The following KARS1 variants were observed in gnomAD, a reference collection of about 807,000 sequenced individuals.
KARS1 encodes the protein lysyl-tRNA synthetase 1.
Under a neutral mutation model 63.9 loss-of-function variants are expected in KARS1, and 50 were observed. That is an observed-to-expected ratio of 0.78 (90% CI 0.62 to 0.99). The LOEUF is 0.99. Ranked by LOEUF, KARS1 falls within the 50% of genes least tolerant of loss-of-function variation. KARS1 has a pLI of 0.00. For synonymous variants in KARS1, 320 were observed against 264.6 expected (o/e 1.21, Z -2.03); for missense variants, 816 against 754.5 (o/e 1.08, Z -0.95).
intron 5 of KARS1, 43 bp from the exon 6 acceptor site, chr16:75,635,848 C>G: frequency 1.9e-6 from 3 of 1,614,106 alleles, no homozygotes; most frequent in South Asian, 1.1e-5. Context: ...TATGTCTGAT[C>G]CAAAGGTATG....
At chr16:75,639,985 T>C (rs769494157) in intron 3 of KARS1, 199 bp downstream of exon 3, 1 of 602,774 alleles carries the variant, frequency 1.7e-6, no homozygotes, top group Admixed American at 2.8e-5. Flanking sequence ...TTTGTAGCAC[T>C]ACCTCATCTG....
intron 1 of KARS1, chr16:75,647,355 T>C (rs887993144): frequency 1.6e-6 from 1 of 637,680 alleles, no homozygotes. Context: ...AGGAGTATGA[T>C]AGGGAGCATC....
At chr16:75,641,874 A>C in intron 1 of KARS1, 151 bp from the exon 2 acceptor site, 2 of 765,126 alleles carry the variant, frequency 2.6e-6, no homozygotes, top group Non-Finnish European at 4.6e-6. Context: ...AGCTCAGCTC[A>C]AGTAGCTTGT....
rs543583274 is a variant in KARS1, at chr16:75,633,771, C to T, written c.915+402G>A. Among the ~76,000 whole-genome samples the T allele has an allele frequency of 1.1e-3, 175 of 152,338 alleles. 1 individual carries two copies. The highest frequency in any genetic ancestry group is 4.1e-3 in the African/African-American group (170 of 41,578). On this transcript the variant is annotated intron_variant, in intron 7 of 13. Transcript: ENST00000302445. ...ACCTCAAGTGATCCATCCGCCTTGG[C>T]CTCCCAAAGCGCTGGGATTACAGGT...
chr16:75,644,955 G>C lies in KARS1; in HGVS notation c.62+2623C>G, dbSNP rs548628379. ...GACTTGTTTGGAACTCTAGGAACAA[G>C]GGGAAAGGAGAATTTCAGGAAGGTC... On this transcript the variant is annotated intron_variant, in intron 1 of 13. Coordinates refer to ENST00000302445, the MANE Select transcript of KARS1 (RefSeq NM_005548.3). 6.6e-5 allele frequency among the ~76,000 whole-genome samples: 10 copies of C among 152,344 alleles called. No individual in the cohort carries two copies. In the East Asian group the frequency reaches 1.7e-3, roughly 26 times the overall value.
In KARS1 at chr16:75,647,617, T is replaced by TCGGCCGCCTGCA. The variant is rs1208113114; in HGVS notation, c.11_22dup (p.Val4_Ala7dup). 6 of 1,613,340 alleles carry TCGGCCGCCTGCA rather than the reference T, an allele frequency of 3.7e-6. No individual in the cohort carries two copies. In the Admixed American group the frequency reaches 6.7e-5, roughly 18 times the overall value. On this transcript the variant is annotated inframe_insertion, in exon 1 of 14. Coordinates refer to ENST00000302445, the MANE Select transcript of KARS1 (RefSeq NM_005548.3). ...CGGCTCGCTGCCATCCACTTTCACC[T>TCGGCCGCCTGCA]CGGCCGCCTGCACGGCCGCCATCTT...
chr16:75,630,553 T>C, intron 10 of KARS1, 45 bp from the exon 11 acceptor site: 8 of 1,229,174 alleles, frequency 6.5e-6, no homozygotes, highest in Non-Finnish European at 9.6e-6. Context: ...TTCTGAATAG[T>C]ATTTGATCGT....
Position 75,635,680 on chromosome 16 carries a change from C to G in KARS1, c.795G>C (p.Glu265Asp), listed in dbSNP as rs2082153195. ...ACGTCAGGCAAGGAACTCTCCTTACCTCTAGGAATCCCAGCTCATCTAAGA... is the reference window on the plus strand; with the variant it reads ...ACGTCAGGCAAGGAACTCTCCTTACGTCTAGGAATCCCAGCTCATCTAAGA... ...RSFLDELGFL[E>D]IETPMMNIIP... Residue 265 changes from glutamate to aspartate, a missense_variant and splice_region_variant, in exon 6 of 14, where the codon GAG becomes GAC. Physicochemically the swap from Glu to Asp is conservative, Grantham distance 45. Coordinates refer to ENST00000302445, the MANE Select transcript of KARS1 (RefSeq NM_005548.3). The G allele has an allele frequency of 6.2e-7, 1 of 1,613,740 alleles. No homozygotes were observed. Among genetic ancestry groups the G allele is most frequent in the African/African-American group, 1.3e-5 (1 of 74,926 alleles).
intron 3 of KARS1, among the ~76,000 whole-genome samples, chr16:75,639,515 T>C (rs1189357733): frequency 7.5e-6 from 1 of 132,680 alleles, no homozygotes; most frequent in African/African-American, 2.9e-5. Flanking sequence ...GAGGTTGCAG[T>C]AAGCTGAGAT....
chr16:75,643,679 G>A (rs1311110836), intron 1 of KARS1, among the ~76,000 whole-genome samples: 1 of 152,050 alleles, frequency 6.6e-6, no homozygotes, highest in African/African-American at 2.4e-5. Flanking sequence ...ACGCCTGGCC[G>A]AATCTTTCAT....
intron 6 of KARS1, 29 bp from the exon 7 acceptor site, chr16:75,634,321 C>A (rs1482677111): frequency 6.2e-7 from 1 of 1,612,426 alleles, no homozygotes; most frequent in Non-Finnish European, 8.5e-7. Context: ...AACATCAGTC[C>A]TTAGATAACC....
Position 75,631,785 on chromosome 16 carries a change from A to C in KARS1, c.986T>G (p.Leu329Trp), listed in dbSNP as rs1198556147. The C allele has an allele frequency of 6.2e-7, 1 of 1,614,092 alleles. No individual in the cohort carries two copies. Among genetic ancestry groups the C allele is most frequent in the Admixed American group, 1.7e-5 (1 of 60,024 alleles). Reference sequence around the variant, plus strand: ...GGTGGTGAACTCAGGATTGTGCGTCAAATCAATCCCCTCATTCCGGAACTG... The same window carrying C: ...GGTGGTGAACTCAGGATTGTGCGTCCAATCAATCCCCTCATTCCGGAACTG... ...GRQFRNEGID[L>W]THNPEFTTCE... Residue 329 changes from leucine (L) to tryptophan (W), a missense_variant, in exon 8 of 14, where the codon TTG becomes TGG. Physicochemically the swap from Leu to Trp is moderately conservative, Grantham distance 61. Transcript: ENST00000302445.
chr16:75,629,307 C>A, intron 12 of KARS1, 108 bp downstream of exon 12: 1 of 1,413,788 alleles, frequency 7.1e-7, no homozygotes. Context: ...ATGGCTTTAT[C>A]TTTCACTTCT....
At chr16:75,644,152 GT>G (rs1473822542) in intron 1 of KARS1, 5 of 710,926 alleles carry the variant, frequency 7.0e-6, no homozygotes, top group Non-Finnish European at 1.2e-5. Context: ...AGGACTATTG[GT>G]TTTGGTATTA....
chr16:75,646,598 G>C (rs930651391), intron 1 of KARS1, among the ~76,000 whole-genome samples: 39 of 151,780 alleles, frequency 2.6e-4, no homozygotes, highest in Middle Eastern at 3.4e-3. Context: ...GTCTGGCTCC[G>C]TCTCAGTAAC....
At chr16:75,645,843 C>CAAA (rs11363202) in intron 1 of KARS1, among the ~76,000 whole-genome samples, 5 of 82,004 alleles carry the variant, frequency 6.1e-5, no homozygotes, top group Non-Finnish European at 1.2e-4. Context: ...ACTCTGCCTC[C>CAAA]AAAAAAAAAA....
chr16:75,647,651 G>A lies in KARS1; in HGVS notation c.-12C>T, dbSNP rs764391656. ...TGCACGGCCGCCATCTTCCCGGAGGGCCCGACCCAAAAGTAAGGAGGATAG... is the reference window on the plus strand; with the variant it reads ...TGCACGGCCGCCATCTTCCCGGAGGACCCGACCCAAAAGTAAGGAGGATAG... On this transcript the variant is annotated 5_prime_UTR_variant, in exon 1 of 14. Coordinates refer to ENST00000302445, the MANE Select transcript of KARS1 (RefSeq NM_005548.3). 2.3e-5 allele frequency: 37 copies of A among 1,613,562 alleles called. No homozygotes were observed. The East Asian group carries it at 2.7e-4, about 12-fold the overall frequency.
Position 75,631,686 on chromosome 16 carries a change from G to T in KARS1, c.1078+7C>A. 1 of 1,614,186 alleles carries T rather than the reference G, an allele frequency of 6.2e-7. No individual in the cohort carries two copies. Among genetic ancestry groups the T allele is most frequent in the Non-Finnish European group, 8.5e-7 (1 of 1,180,016 alleles). ...ACCCGATGAGTATGAGAGAGAGCAG[G>T]AGTCACCTGAAACCATCTTCTCCGT... On this transcript the variant is annotated splice_region_variant and intron_variant, in intron 8 of 13. Transcript: ENST00000302445.
intron 6 of KARS1, 191 bp downstream of exon 6, chr16:75,635,489 T>C (rs1016099629): frequency 3.0e-6 from 2 of 672,436 alleles, no homozygotes; most frequent in Non-Finnish European, 5.3e-6. Context: ...CCTTGTCCAT[T>C]ATCTTGGAAG....
Sources: allele counts gnomAD v4.1 joint callset (sites outside exome capture counted in the v4.1 genomes callset), GRCh38; gene constraint gnomAD v4.1.1; transcripts MANE v1.5; gene names NCBI Gene and HGNC (gene_info 2026-07-23, HGNC 2026-07-21).